The following SEM1 variants were observed in gnomAD, a reference collection of about 807,000 sequenced individuals.
SEM1 encodes 26S proteasome complex subunit SEM1.
Under a neutral mutation model 12.7 loss-of-function variants are expected in SEM1, and 3 were observed. The ratio of observed to expected loss-of-function variants is 0.24; its 90% CI spans 0.11 to 0.61. SEM1 has a LOEUF of 0.61. SEM1 is among the 20% of genes least tolerant of loss of function. The probability of loss-of-function intolerance (pLI) is 0.88; values close to 1 mark genes in which losing one functional copy is unlikely to be tolerated. For synonymous variants in SEM1, 30 were observed against 27.8 expected, an observed-to-expected ratio of 1.08 and a Z score of -0.25; for missense variants, 59 against 81.3, an observed-to-expected ratio of 0.73 and a Z score of 1.06.
intron 1 of SEM1, chr7:96,486,537 G>T: frequency 1.3e-6 from 1 of 780,936 alleles, no homozygotes; most frequent in Non-Finnish European, 2.0e-6. Flanking sequence ...CAGCCTCCTT[G>T]AGTGAGGTGG....
At chr7:96,684,454 A>G (rs1400830342), downstream of SEM1, among the ~76,000 whole-genome samples, 5 of 151,820 alleles carry the variant, frequency 3.3e-5, no homozygotes, top group Non-Finnish European at 7.4e-5. Context: ...AGAAAGATGG[A>G]TATCTAACCG....
intron 1 of SEM1, among the ~76,000 whole-genome samples, chr7:96,490,268 A>T (rs1403491745): frequency 6.6e-6 from 1 of 152,214 alleles, no homozygotes; most frequent in Non-Finnish European, 1.5e-5. Context: ...GTTTATCTGT[A>T]TGACTATTCA....
At chr7:96,632,456 GA>G (rs902209600) in intron 2 of SEM1, among the ~76,000 whole-genome samples, 1 of 152,108 alleles carries the variant, frequency 6.6e-6, no homozygotes, top group Non-Finnish European at 1.5e-5. Context: ...CACAAGAACA[GA>G]AAAGCAAACA....
intron 2 of SEM1, among the ~76,000 whole-genome samples, chr7:96,610,811 T>C (rs1807517281): frequency 6.6e-6 from 1 of 152,222 alleles, no homozygotes; most frequent in Non-Finnish European, 1.5e-5. Flanking sequence ...CTGTTGGCCC[T>C]AGACTGCTTA....
chr7:96,620,580 G>GT (rs1258446102), downstream of SEM1, among the ~76,000 whole-genome samples: 3 of 152,168 alleles, frequency 2.0e-5, no homozygotes, highest in African/African-American at 7.2e-5. Context: ...GAGCCCTGAG[G>GT]TTTTCCCACA....
intron 2 of SEM1, among the ~76,000 whole-genome samples, chr7:96,537,637 A>G (rs2115757757): frequency 6.6e-6 from 1 of 151,674 alleles, no homozygotes; most frequent in East Asian, 1.9e-4. Flanking sequence ...ATTCCTCTAT[A>G]GTCCAGTGTC....
chr7:96,493,537 G>A (rs1017459776), intron 1 of SEM1, among the ~76,000 whole-genome samples: 2 of 152,066 alleles, frequency 1.3e-5, no homozygotes, highest in Non-Finnish European at 2.9e-5. Flanking sequence ...CTCAGCCCAA[G>A]TCTGATCACT....
chr7:96,650,425 C>T, intron 2 of SEM1: 1 of 710,134 alleles, frequency 1.4e-6, no homozygotes, highest in Non-Finnish European at 2.6e-6. Flanking sequence ...TAGATGGGCA[C>T]CTCGCCCAAT....
intron 2 of SEM1, among the ~76,000 whole-genome samples, chr7:96,613,812 C>T (rs368703389): frequency 4.8e-4 from 73 of 152,334 alleles, no homozygotes; most frequent in African/African-American, 1.7e-3. Flanking sequence ...TCTCACTATG[C>T]CTCGCTTATT....
chr7:96,670,215 GAAGA>G (rs1246213614), downstream of SEM1, among the ~76,000 whole-genome samples: 1 of 151,902 alleles, frequency 6.6e-6, no homozygotes, highest in Admixed American at 6.6e-5. Context: ...GCAAATAATG[GAAGA>G]AAAACATACT....
downstream of SEM1, among the ~76,000 whole-genome samples, chr7:96,668,691 AT>A (rs1169121580): frequency 6.6e-6 from 1 of 152,144 alleles, no homozygotes; most frequent in East Asian, 1.9e-4. Context: ...GTTCCTTCAT[AT>A]GTCAGGGCTC....
At chr7:96,591,925 C>A (rs1055174861) in intron 2 of SEM1, among the ~76,000 whole-genome samples, 2 of 151,126 alleles carry the variant, frequency 1.3e-5, no homozygotes, top group African/African-American at 4.9e-5. Context: ...TAAAAGAATT[C>A]ATCTCAGGTG....
At chr7:96,627,813 G>A (rs1400922030) in intron 2 of SEM1, among the ~76,000 whole-genome samples, 1 of 152,008 alleles carries the variant, frequency 6.6e-6, no homozygotes, top group Non-Finnish European at 1.5e-5. Flanking sequence ...TAAGTCCAAT[G>A]TTTCTTTGTC....
intron 2 of SEM1, among the ~76,000 whole-genome samples, chr7:96,518,360 C>A (rs556295029): frequency 1.3e-5 from 2 of 152,016 alleles, no homozygotes; most frequent in Non-Finnish European, 2.9e-5. Context: ...ATATAAAGTC[C>A]ATGTGCATAT....
chr7:96,500,848 G>A (rs1263052512), upstream of SEM1, among the ~76,000 whole-genome samples: 1 of 152,102 alleles, frequency 6.6e-6, no homozygotes, highest in Admixed American at 6.6e-5. Context: ...TCCCTGCCAG[G>A]CCTGGACTAC....
chr7:96,525,228 T>C (rs965642892), intron 2 of SEM1, among the ~76,000 whole-genome samples: 3 of 151,728 alleles, frequency 2.0e-5, no homozygotes, highest in Non-Finnish European at 4.4e-5. Context: ...CCTTTTCTTA[T>C]TCTCATCATT....
At chr7:96,597,467 T>C (rs1425170275) in intron 2 of SEM1, among the ~76,000 whole-genome samples, 2 of 152,080 alleles carry the variant, frequency 1.3e-5, no homozygotes, top group African/African-American at 4.8e-5. Context: ...TTTTACCTAG[T>C]GGTCAAACTG....
chr7:96,561,057 C>A (rs895493383), intron 2 of SEM1, among the ~76,000 whole-genome samples: 9 of 152,102 alleles, frequency 5.9e-5, no homozygotes, highest in African/African-American at 2.4e-5. Flanking sequence ...GCTGAGACTT[C>A]ACGTGTGTGC....
downstream of SEM1, chr7:96,622,401 G>A (rs1302303253): frequency 3.9e-6 from 2 of 512,054 alleles, no homozygotes; most frequent in Non-Finnish European, 7.0e-6. Context: ...AATTTCTCTT[G>A]TATTTGAATC....
Sources: gnomAD v4.1 joint callset for allele counts (sites outside exome capture counted in the v4.1 genomes callset) on GRCh38, gnomAD v4.1.1 for gene constraint, MANE v1.5 for transcripts, NCBI Gene and HGNC (gene_info 2026-07-23, HGNC 2026-07-21) for gene names.